The following RNF19A variants were observed in gnomAD, a reference collection of about 807,000 sequenced individuals.
The protein encoded by RNF19A is E3 ubiquitin-protein ligase RNF19A.
In RNF19A, 32 loss-of-function variants were observed where a neutral mutation model predicts 75.7. The ratio of observed to expected loss-of-function variants is 0.42; its 90% CI spans 0.32 to 0.57. RNF19A has a LOEUF of 0.57. RNF19A is among the 20% of genes least tolerant of loss of function. The pLI is 0.10. For missense variants in RNF19A, 782 were observed against 1,036.3 expected, an observed-to-expected ratio of 0.75 and a Z score of 3.37; for synonymous variants, 335 against 345.2, an observed-to-expected ratio of 0.97 and a Z score of 0.33.
In RNF19A at chr8:100,274,984, G is replaced by A. The variant is rs1820434370; in HGVS notation, c.852C>T (p.Ser284=). The change falls in exon 3 of 10, where the codon TCC becomes TCT. Residue 284 remains serine (S), a synonymous_variant. Coordinates refer to ENST00000341084, the MANE Select transcript of RNF19A (RefSeq NM_183419.4). ...CTCCAGACTCTTGACTATAACTAAT[G>A]GATGAAGAACGTATAGTTCTCAAAC... ...SLRLRTIRSS[S]ISYSQESGAA... 1 of 1,613,862 alleles carries A rather than the reference G, an allele frequency of 6.2e-7. No homozygotes were observed. Among genetic ancestry groups the A allele is most frequent in the Admixed American group, 1.7e-5 (1 of 59,988 alleles).
In RNF19A at chr8:100,261,395, G is replaced by T; in HGVS notation, c.1682+147C>A. The T allele has an allele frequency of 1.4e-6, 1 of 733,388 alleles. No individual in the cohort carries two copies. The highest frequency in any genetic ancestry group is 2.2e-6 in the Non-Finnish European group (1 of 445,962). 45.4% of individuals were successfully genotyped at this position (733,388 alleles called of 1,614,324 possible). A position where few individuals can be genotyped will look rare whatever the true frequency, so the allele number is the denominator to read the frequency against. ...TTACAGGCGTGAGCCACTGCACCTG[G>T]CCCCAAATTTCATTTTTAACATTAC... is the stretch of plus-strand genomic sequence containing the variant. On this transcript the variant is annotated intron_variant, in intron 8 of 9. Coordinates refer to ENST00000341084, the MANE Select transcript of RNF19A (RefSeq NM_183419.4). The surrounding 1 kb of genome is among the most constrained non-coding windows in gnomAD (Gnocchi z 4.4).
chr8:100,314,290 A>G (rs751195541), upstream of RNF19A, among the ~76,000 whole-genome samples: 2 of 152,300 alleles, frequency 1.3e-5, no homozygotes, highest in South Asian at 2.1e-4. This position sits in a 1 kb window ranked among gnomAD's most constrained non-coding sequence, Gnocchi z 4.1. Context: ...TACATATACT[A>G]TATGACAGGC....
rs1427008092 is a variant in RNF19A at position 100,258,376 on chromosome 8, ATAGTT to A, written c.*175_*179del. The A allele has an allele frequency of 4.0e-5, 22 of 547,828 alleles. No individual in the cohort carries two copies. The highest frequency in any genetic ancestry group is 7.0e-5 in the Non-Finnish European group (22 of 313,268). The allele number at this position is 547,828 out of a possible 1,614,324, so 33.9% of individuals were successfully genotyped here. A position where few individuals can be genotyped will look rare whatever the true frequency, so the allele number is the denominator to read the frequency against. On this transcript the variant is annotated 3_prime_UTR_variant, in exon 10 of 10. Transcript: ENST00000341084. The surrounding 1 kb of genome is among the most constrained non-coding windows in gnomAD (Gnocchi z 4.3). The stretch of plus-strand genomic sequence containing the variant: ...AATGCACTTTTAAAGCCTTCACTTC[ATAGTT>A]TGGTAACTAAGATCCACATGACACA...
chr8:100,291,494 G>A (rs1363781632), intron 1 of RNF19A, among the ~76,000 whole-genome samples: 1 of 152,120 alleles, frequency 6.6e-6, no homozygotes, highest in East Asian at 1.9e-4. Flanking sequence ...TAAGTATCCT[G>A]ACACTACAAC....
Position 100,269,013 on chromosome 8 carries a change from T to G in RNF19A, c.1029-66A>C. On this transcript the variant is annotated intron_variant, in intron 4 of 9. Coordinates refer to ENST00000341084, the MANE Select transcript of RNF19A (RefSeq NM_183419.4). The surrounding 1 kb of genome is among the most constrained non-coding windows in gnomAD (Gnocchi z 5.7). ...ACCACAATAACAAATTAGTGCACTATATTAAAACAATGACTATTTTTAAAA... is the reference window on the plus strand; with the variant it reads ...ACCACAATAACAAATTAGTGCACTAGATTAAAACAATGACTATTTTTAAAA... The G allele has an allele frequency of 8.3e-7, 1 of 1,199,876 alleles. No individual in the cohort carries two copies. The highest frequency in any genetic ancestry group is 1.1e-6 in the Non-Finnish European group (1 of 886,948). The allele number at this position is 1,199,876 out of a possible 1,614,324, so 74.3% of individuals were successfully genotyped here.
At chr8:100,276,732 A>G (rs1820535801) in intron 2 of RNF19A, among the ~76,000 whole-genome samples, 1 of 151,760 alleles carries the variant, frequency 6.6e-6, no homozygotes, top group Non-Finnish European at 1.5e-5. Context: ...CCAAAAAAAA[A>G]AAAAAAAAAA....
rs1819592656 is a variant in RNF19A, at chr8:100,259,113, G to A, written c.1960C>T (p.Pro654Ser). 6.2e-7 allele frequency: 1 copy of A among 1,614,044 alleles called. No individual in the cohort carries two copies. Reference protein sequence around the residue: ...SHAGGSSSGLPEGKSSATKWS... With the variant: ...SHAGGSSSGLSEGKSSATKWS... Reference sequence around the variant, plus strand: ...TTGGTGGCACTAGATTTACCTTCAGGCAAGCCACTGGATGAACCGCCAGCA... The same window carrying A: ...TTGGTGGCACTAGATTTACCTTCAGACAAGCCACTGGATGAACCGCCAGCA... The change falls in exon 10 of 10, where the codon CCT becomes TCT. Residue 654 changes from proline to serine, a missense_variant. Pro to Ser is a moderately conservative substitution (Grantham distance 74). Coordinates refer to ENST00000341084, the MANE Select transcript of RNF19A (RefSeq NM_183419.4). The surrounding 1 kb of genome is among the most constrained non-coding windows in gnomAD (Gnocchi z 4.5).
rs751893153 is a variant in RNF19A at position 100,258,575 on chromosome 8, G to C, written c.2498C>G (p.Ala833Gly). Residue 833 changes from alanine to glycine, a missense_variant, in exon 10 of 10, where the codon GCA (alanine) becomes GGA (glycine). Physicochemically the swap from Ala to Gly is moderately conservative, Grantham distance 60 (BLOSUM62 0). Transcript: ENST00000341084. The surrounding 1 kb of genome is among the most constrained non-coding windows in gnomAD (Gnocchi z 4.3). ...HSHQTMELKV[A>G]IQTEI ...ATGGGCCTAAATTTCAGTCTGAATT[G>C]CAACTTTTAATTCCATTGTCTGATG... 6.2e-7 allele frequency: 1 copy of C among 1,610,700 alleles called. No individual in the cohort carries two copies. The highest frequency in any genetic ancestry group is 2.2e-5 in the East Asian group (1 of 44,852).
chr8:100,292,318 A>C (rs1034661755), intron 1 of RNF19A, among the ~76,000 whole-genome samples: 7 of 151,976 alleles, frequency 4.6e-5, no homozygotes, highest in African/African-American at 1.7e-4. Flanking sequence ...TCTCACTACA[A>C]GTCATTTACA....
Position 100,258,758 on chromosome 8 carries a change from G to C in RNF19A, c.2315C>G (p.Pro772Arg). 1 of 1,614,166 alleles carries C rather than the reference G, an allele frequency of 6.2e-7. No homozygotes were observed. Among genetic ancestry groups the C allele is most frequent in the Non-Finnish European group, 8.5e-7 (1 of 1,180,026 alleles). The change falls in exon 10 of 10, where the codon CCA (proline) becomes CGA (arginine). Residue 772 changes from proline to arginine, a missense_variant. This residue lies in a region of RNF19A where 442 missense variants were observed against 541.6 expected (regional missense o/e 0.82). Transcript: ENST00000341084. This position sits in a 1 kb window ranked among gnomAD's most constrained non-coding sequence, Gnocchi z 4.3. ...EVENDRLENS[P>R]HQCSISVVTQ... ...AACCACAGAAATGCTACACTGATGT[G>C]GGGAATTTTCCAGACGGTCATTTTC...
chr8:100,280,318 G>C (rs568761666), intron 2 of RNF19A, among the ~76,000 whole-genome samples: 321 of 152,294 alleles, frequency 2.1e-3, no homozygotes, highest in African/African-American at 7.1e-3. Flanking sequence ...AAAAAGACTT[G>C]TGAGATTAAA....
In RNF19A at chr8:100,332,734, C is replaced by G. The variant is rs1822627340; in HGVS notation, c.-243+3374G>C. On this transcript the variant is annotated intron_variant, in intron 1 of 3. Coordinates refer to the RNF19A transcript ENST00000519527. This position sits in a 1 kb window ranked among gnomAD's most constrained non-coding sequence, Gnocchi z 4.8. ...TCTCATTTTCATTTTAACTTGCACACTTAATTGTGAGTGAAGTGGATTATC... is the reference window on the plus strand; with the variant it reads ...TCTCATTTTCATTTTAACTTGCACAGTTAATTGTGAGTGAAGTGGATTATC... Among the ~76,000 whole-genome samples the G allele has an allele frequency of 6.6e-6, 1 of 152,184 alleles. No homozygotes were observed. Among genetic ancestry groups the G allele is most frequent in the Non-Finnish European group, 1.5e-5 (1 of 68,014 alleles).
upstream of RNF19A, among the ~76,000 whole-genome samples, chr8:100,310,740 C>A (rs1391540166): frequency 6.9e-6 from 1 of 144,992 alleles, no homozygotes; most frequent in Admixed American, 6.8e-5. Context: ...AGAGTATCTT[C>A]CATTCATCTC....
intron 5 of RNF19A, among the ~76,000 whole-genome samples, chr8:100,266,511 T>C (rs1819985025): frequency 6.6e-6 from 1 of 152,216 alleles, no homozygotes. Context: ...AAATTTTTTA[T>C]TTTTTCTCTC....
In RNF19A at chr8:100,264,599, A is replaced by T. The variant is rs948574176; in HGVS notation, c.1306+72T>A. ...ATTGTCCTCAAATTAAAAAACAATT[A>T]AAAAAAATCCTTCCACAAAACTTTA... On this transcript the variant is annotated intron_variant, in intron 6 of 9. Transcript: ENST00000341084. The surrounding 1 kb of genome is among the most constrained non-coding windows in gnomAD (Gnocchi z 4.7). 4.2e-5 allele frequency: 42 copies of T among 992,976 alleles called. No individual in the cohort carries two copies. The highest frequency in any genetic ancestry group is 7.2e-5 in the South Asian group (5 of 69,032). 61.5% of individuals were successfully genotyped at this position (992,976 alleles called of 1,614,324 possible).
intron 5 of RNF19A, among the ~76,000 whole-genome samples, chr8:100,268,301 C>T (rs900049793): frequency 6.6e-6 from 1 of 151,760 alleles, no homozygotes; most frequent in African/African-American, 2.4e-5. Context: ...TGGACTTTCA[C>T]AAGATTGTTA....
At chr8:100,304,546 G>A (rs559873980) in intron 1 of RNF19A, among the ~76,000 whole-genome samples, 4 of 152,184 alleles carry the variant, frequency 2.6e-5, no homozygotes, top group African/African-American at 9.6e-5. Flanking sequence ...CTTTCCAAAT[G>A]ACCTTATTTC....
At chr8:100,289,689 CGTG>C (rs1447641609) in intron 1 of RNF19A, among the ~76,000 whole-genome samples, 1 of 152,104 alleles carries the variant, frequency 6.6e-6, no homozygotes, top group Non-Finnish European at 1.5e-5. Context: ...TTACACTACT[CGTG>C]GGAGTGTAAA....
rs1405113980 is a variant in RNF19A at position 100,323,570 on chromosome 8, G to C, written c.-242-10198C>G. On this transcript the variant is annotated intron_variant, in intron 1 of 3. Coordinates refer to the RNF19A transcript ENST00000519527. This position sits in a 1 kb window ranked among gnomAD's most constrained non-coding sequence, Gnocchi z 4.6. ...ATTACCAAAAACAATTCTGTTTCTA[G>C]TACGGCTCCAGTTTTTAAAATTTCA... is the stretch of plus-strand genomic sequence containing the variant. Among the ~76,000 whole-genome samples the C allele has an allele frequency of 6.6e-6, 1 of 152,202 alleles. No individual in the cohort carries two copies. The highest frequency in any genetic ancestry group is 1.5e-5 in the Non-Finnish European group (1 of 68,034).
Sources: allele counts gnomAD v4.1 joint callset (sites outside exome capture counted in the v4.1 genomes callset), GRCh38; gene constraint gnomAD v4.1.1; regional missense constraint gnomAD v4.1.1; non-coding constraint Gnocchi (gnomAD v3.1); transcripts MANE v1.5; gene names NCBI Gene and HGNC (gene_info 2026-07-23, HGNC 2026-07-21).